Variants in ZFHX3 observed in about 807,000 individuals in gnomAD.
ZFHX3 encodes zinc finger homeobox 3.
Under a neutral mutation model 279.1 loss-of-function variants are expected in ZFHX3, and 42 were observed. The observed-to-expected ratio is 0.15, with a 90% CI of 0.12 to 0.19. The LOEUF (loss-of-function observed/expected upper bound fraction) is 0.19, where lower values mean the gene tolerates loss of function less well. Among genes scored for constraint, ZFHX3 ranks in the 10% least tolerant of loss-of-function variants. ZFHX3 has a pLI of 1.00. For missense variants in ZFHX3, 4,981 were observed against 4,754.0 expected, an observed-to-expected ratio of 1.05 and a Z score of -1.40; for synonymous variants, 2,293 against 1,957.8, an observed-to-expected ratio of 1.17 and a Z score of -4.52.
At chr16:72,910,821 G>C (rs879553686) in intron 3 of ZFHX3, among the ~76,000 whole-genome samples, 2 of 152,102 alleles carry the variant, frequency 1.3e-5, no homozygotes, top group African/African-American at 4.8e-5. Context: ...CAAAAAAACA[G>C]GGTTTCTGGC....
At chr16:73,444,029 G>A (rs966979765) in intron 3 of ZFHX3, among the ~76,000 whole-genome samples, 30 of 152,268 alleles carry the variant, frequency 2.0e-4, no homozygotes, top group African/African-American at 7.2e-4. Flanking sequence ...CCAAAGTGCT[G>A]GGATTACAGG....
chr16:73,377,552 A>C (rs934514532), intron 3 of ZFHX3, among the ~76,000 whole-genome samples: 1 of 152,142 alleles, frequency 6.6e-6, no homozygotes, highest in Non-Finnish European at 1.5e-5. Flanking sequence ...GTCTCTGCAC[A>C]TCTTTCCATC....
chr16:72,978,179 T>C (rs921468743), intron 1 of ZFHX3, among the ~76,000 whole-genome samples: 6 of 152,310 alleles, frequency 3.9e-5, no homozygotes, highest in Admixed American at 1.3e-4. Flanking sequence ...ATTTTTTTTC[T>C]TTCTAAGGAA....
intron 2 of ZFHX3, among the ~76,000 whole-genome samples, chr16:73,523,182 T>C (rs1393928974): frequency 6.6e-6 from 1 of 152,174 alleles, no homozygotes; most frequent in African/African-American, 2.4e-5. Flanking sequence ...CTGAAATGAT[T>C]TGGGATTTAT....
At chr16:73,703,675 C>T (rs1312078845) in intron 1 of ZFHX3, among the ~76,000 whole-genome samples, 1 of 151,998 alleles carries the variant, frequency 6.6e-6, no homozygotes, top group Non-Finnish European at 1.5e-5. Flanking sequence ...TTTAAGAGTC[C>T]CGGGAGGTGC....
At chr16:73,456,210 G>A (rs1342148466) in exon 3 of ZFHX3, 1 of 152,112 alleles carries the variant, frequency 6.6e-6, no homozygotes, top group Non-Finnish European at 1.5e-5. Context: ...GAACTTGACA[G>A]GGTCGTGAGA....
intron 1 of ZFHX3, among the ~76,000 whole-genome samples, chr16:72,988,967 T>C (rs1962959284): frequency 6.6e-6 from 1 of 151,956 alleles, no homozygotes; most frequent in Non-Finnish European, 1.5e-5. Context: ...CAGGAGCCCC[T>C]GAGTTTGAGA....
At chr16:73,550,775 G>A (rs1489983832) in intron 2 of ZFHX3, among the ~76,000 whole-genome samples, 1 of 152,216 alleles carries the variant, frequency 6.6e-6, no homozygotes, top group Admixed American at 6.5e-5. Context: ...CAGGGAAGTA[G>A]AGAAGAATTC....
intron 2 of ZFHX3, among the ~76,000 whole-genome samples, chr16:73,628,673 T>C (rs922044366): frequency 6.6e-6 from 1 of 152,224 alleles, no homozygotes; most frequent in African/African-American, 2.4e-5. Flanking sequence ...CTGAATCATA[T>C]TGGTAAACCT....
At chr16:73,563,419 G>A (rs2020405201) in intron 2 of ZFHX3, among the ~76,000 whole-genome samples, 2 of 151,862 alleles carry the variant, frequency 1.3e-5, no homozygotes, top group Non-Finnish European at 2.9e-5. Flanking sequence ...ACCATGCCCG[G>A]CTAATTTTTA....
At chr16:73,566,210 G>A (rs1302323965) in intron 2 of ZFHX3, among the ~76,000 whole-genome samples, 1 of 152,188 alleles carries the variant, frequency 6.6e-6, no homozygotes, top group Non-Finnish European at 1.5e-5. Context: ...TGTCATATAA[G>A]CCAGACTGAG....
intron 8 of ZFHX3, among the ~76,000 whole-genome samples, chr16:73,088,755 C>T (rs1787388355): frequency 6.6e-6 from 1 of 152,138 alleles, no homozygotes; most frequent in South Asian, 2.1e-4. Flanking sequence ...GACTGAGACA[C>T]CAGTGTCAGA....
chr16:72,788,818 C>T lies in ZFHX3; in HGVS notation c.9458G>A (p.Gly3153Asp). 2.6e-6 allele frequency: 4 copies of T among 1,525,524 alleles called. No homozygotes were observed. Among genetic ancestry groups the T allele is most frequent in the Non-Finnish European group, 3.5e-6 (4 of 1,140,178 alleles). The allele number at this position is 1,525,524 out of a possible 1,614,324, so 94.5% of individuals were successfully genotyped here. Residue 3153 changes from glycine to aspartate, a missense_variant, in exon 10 of 10, where the codon GGT becomes GAT. Physicochemically the swap from Gly to Asp is moderately conservative, Grantham distance 94 (BLOSUM62 -1). Around this residue, in one of 7 missense-constraint regions of ZFHX3, gnomAD observed 1,034 missense variants for 786.0 expected, o/e 1.32. Coordinates refer to ENST00000268489, the MANE Select transcript of ZFHX3 (RefSeq NM_006885.4). ...ALTSPKPNLM[G>D]LPSTTVPSPG... ...GGAAGGAACAGTTGTGCTGGGCAGA[C>T]CCATCAAGTTCGGCTTAGGAGACGT...
intron 1 of ZFHX3, among the ~76,000 whole-genome samples, chr16:73,046,996 T>G (rs547851592): frequency 6.6e-6 from 1 of 152,218 alleles, no homozygotes; most frequent in East Asian, 1.9e-4. Context: ...AATTCCCTCT[T>G]AGCACACACC....
Position 73,352,456 on chromosome 16 carries a change from TTCTCTC to T in ZFHX3, c.-1290-34126_-1290-34121del, listed in dbSNP as rs561312963. On this transcript the variant is annotated intron_variant, in intron 3 of 17. Transcript: ENST00000641206. ...TGTCACTATTTGTCAAGCCTTTGGT[TTCTCTC>T]TCTCTCTCTCTCTTTTTTTTTTTTT... is the stretch of plus-strand genomic sequence containing the variant. Among the ~76,000 whole-genome samples, 521 of 134,374 alleles carry T rather than the reference TTCTCTC, an allele frequency of 3.9e-3. 11 individuals are homozygous for T. The highest frequency in any genetic ancestry group is 0.015 in the African/African-American group (482 of 32,098). The allele number at this position is 134,374 out of a possible 152,430, so 88.2% of individuals were successfully genotyped here.
intron 6 of ZFHX3, among the ~76,000 whole-genome samples, chr16:73,133,613 G>T (rs932547302): frequency 6.6e-6 from 1 of 152,176 alleles, no homozygotes; most frequent in Non-Finnish European, 1.5e-5. Flanking sequence ...AAGCCAAGAC[G>T]AGAGGCCTCA....
chr16:73,736,157 G>A (rs1327185293), intron 1 of ZFHX3, among the ~76,000 whole-genome samples: 1 of 152,126 alleles, frequency 6.6e-6, no homozygotes, highest in African/African-American at 2.4e-5. Context: ...AGAGACAGAT[G>A]GGGATTCTAG....
At chr16:73,814,555 A>G (rs940929172) in intron 1 of ZFHX3, among the ~76,000 whole-genome samples, 70 of 151,904 alleles carry the variant, frequency 4.6e-4, no homozygotes, top group Non-Finnish European at 8.5e-4. Flanking sequence ...AATCTTACTT[A>G]CATAGTTCAC....
At position 73,384,244 on chromosome 16, in the gene ZFHX3, T is replaced by C. The variant is rs146752905; in HGVS notation, c.-1290-65908A>G. The stretch of plus-strand genomic sequence containing the variant: ...CACACCCCTGTGTTTACATATAGTC[T>C]ATGGGCTGTTTTTGAGCTGTTAACA... On this transcript the variant is annotated intron_variant, in intron 3 of 17. Coordinates refer to the ZFHX3 transcript ENST00000641206. Among the ~76,000 whole-genome samples the C allele has an allele frequency of 2.1e-3, 316 of 152,354 alleles. 1 individual carries two copies. Among genetic ancestry groups the C allele is most frequent in the African/African-American group, 7.3e-3 (302 of 41,580 alleles).
Sources: allele counts gnomAD v4.1 joint callset (sites outside exome capture counted in the v4.1 genomes callset), GRCh38; gene constraint gnomAD v4.1.1; regional missense constraint gnomAD v4.1.1; transcripts MANE v1.5; gene names NCBI Gene and HGNC (gene_info 2026-07-23, HGNC 2026-07-21).